ZBTB7C: variants seen among roughly 807,000 people sequenced by gnomAD.
ZBTB7C encodes zinc finger and BTB domain containing 7C, also known as zinc finger and BTB domain-containing protein 7C.
In ZBTB7C, 8 loss-of-function variants were observed where a neutral mutation model predicts 25.7. The observed-to-expected ratio is 0.31, with a 90% CI of 0.18 to 0.56. The LOEUF (loss-of-function observed/expected upper bound fraction) is 0.56. Among genes scored for constraint, ZBTB7C ranks in the 20% least tolerant of loss-of-function variants. ZBTB7C has a pLI of 0.91. For missense variants in ZBTB7C, 824 were observed against 855.2 expected, an observed-to-expected ratio of 0.96 and a Z score of 0.46; for synonymous variants, 394 against 369.0, an observed-to-expected ratio of 1.07 and a Z score of -0.78.
chr18:48,334,468 C>T (rs2046415929), intron 2 of ZBTB7C, among the ~76,000 whole-genome samples: 2 of 152,266 alleles, frequency 1.3e-5, no homozygotes, highest in South Asian at 4.1e-4. Context: ...AGCTCCCAGA[C>T]CCGAAAACAC....
intron 3 of ZBTB7C, among the ~76,000 whole-genome samples, chr18:48,143,287 G>T (rs1034159918): frequency 1.3e-5 from 2 of 152,070 alleles, no homozygotes; most frequent in African/African-American, 4.8e-5. Flanking sequence ...CCAGGGGAGT[G>T]CTTTTTTCTT....
At chr18:48,222,632 C>T (rs778312276) in intron 2 of ZBTB7C, among the ~76,000 whole-genome samples, 26 of 152,176 alleles carry the variant, frequency 1.7e-4, no homozygotes, top group Non-Finnish European at 3.2e-4. Flanking sequence ...GGACAATTCC[C>T]ATCACATCAT....
At chr18:48,386,326 A>G (rs2047746661) in intron 1 of ZBTB7C, among the ~76,000 whole-genome samples, 1 of 152,242 alleles carries the variant, frequency 6.6e-6, no homozygotes, top group African/African-American at 2.4e-5. Context: ...CAGAGGGCAA[A>G]TGCTGAGCGT....
chr18:48,087,489 G>A (rs1478963845), intron 3 of ZBTB7C, among the ~76,000 whole-genome samples: 2 of 152,184 alleles, frequency 1.3e-5, no homozygotes, highest in Non-Finnish European at 2.9e-5. Flanking sequence ...GAGGCCAAAG[G>A]AGGCATTTAT....
intron 3 of ZBTB7C, among the ~76,000 whole-genome samples, chr18:48,143,941 A>G (rs2040424265): frequency 6.6e-6 from 1 of 152,190 alleles, no homozygotes; most frequent in Non-Finnish European, 1.5e-5. Flanking sequence ...CCAACTCTGA[A>G]TATAACAAGG....
At chr18:48,112,634 C>T (rs946220654) in intron 3 of ZBTB7C, among the ~76,000 whole-genome samples, 2 of 152,118 alleles carry the variant, frequency 1.3e-5, no homozygotes, top group African/African-American at 2.4e-5. Flanking sequence ...TAGGTGTGAG[C>T]CACCATGCCC....
intron 2 of ZBTB7C, among the ~76,000 whole-genome samples, chr18:48,337,677 C>G (rs1252854150): frequency 6.6e-6 from 1 of 152,238 alleles, no homozygotes; most frequent in Non-Finnish European, 1.5e-5. Context: ...ACAAGCAGGA[C>G]TCATCCATCA....
chr18:48,200,227 C>T (rs1181968601), intron 2 of ZBTB7C, among the ~76,000 whole-genome samples: 2 of 152,084 alleles, frequency 1.3e-5, no homozygotes, highest in Non-Finnish European at 2.9e-5. Flanking sequence ...CTGGAGTAGG[C>T]ACGGTGACCC....
intron 3 of ZBTB7C, among the ~76,000 whole-genome samples, chr18:48,055,812 T>C (rs1199403598): frequency 6.6e-6 from 1 of 152,184 alleles, no homozygotes; most frequent in African/African-American, 2.4e-5. Flanking sequence ...CGTCTTGCTC[T>C]GCGATTTTTG....
At chr18:48,399,078 C>G (rs1458605402) in intron 1 of ZBTB7C, among the ~76,000 whole-genome samples, 1 of 152,178 alleles carries the variant, frequency 6.6e-6, no homozygotes, top group African/African-American at 2.4e-5. Flanking sequence ...AATTGTCAGA[C>G]AGTCAGATAT....
At chr18:48,192,648 G>A (rs1245502763) in intron 2 of ZBTB7C, among the ~76,000 whole-genome samples, 1 of 152,234 alleles carries the variant, frequency 6.6e-6, no homozygotes. Context: ...TTTTAGTAGA[G>A]ATGGGGTTTC....
chr18:48,199,261 T>C (rs986942267), intron 2 of ZBTB7C, among the ~76,000 whole-genome samples: 8 of 152,252 alleles, frequency 5.3e-5, no homozygotes, highest in Admixed American at 2.6e-4. Context: ...ATAACTTCTC[T>C]GATACTTTCC....
At chr18:48,211,309 G>T (rs1395649579) in intron 2 of ZBTB7C, among the ~76,000 whole-genome samples, 1 of 151,958 alleles carries the variant, frequency 6.6e-6, no homozygotes, top group East Asian at 1.9e-4. Context: ...AACACCAAAG[G>T]CACAACCCAT....
chr18:48,298,420 G>T (rs2144727794), intron 2 of ZBTB7C, among the ~76,000 whole-genome samples: 1 of 152,264 alleles, frequency 6.6e-6, no homozygotes, highest in Middle Eastern at 3.4e-3. Flanking sequence ...GGAGTGGGCT[G>T]GGCTCTGGAG....
At chr18:48,078,233 C>A (rs970931491) in intron 3 of ZBTB7C, among the ~76,000 whole-genome samples, 2 of 152,206 alleles carry the variant, frequency 1.3e-5, no homozygotes, top group South Asian at 2.1e-4. Flanking sequence ...ATATCAGGTC[C>A]TGTACAAGGG....
chr18:48,108,570 A>G (rs2039119034), intron 3 of ZBTB7C, among the ~76,000 whole-genome samples: 1 of 152,100 alleles, frequency 6.6e-6, no homozygotes, highest in South Asian at 2.1e-4. Flanking sequence ...GATAGTTAGG[A>G]CTACAGGCAT....
intron 3 of ZBTB7C, among the ~76,000 whole-genome samples, chr18:48,063,087 C>G (rs990851054): frequency 1.3e-5 from 2 of 152,198 alleles, no homozygotes; most frequent in Non-Finnish European, 2.9e-5. Context: ...TTCCCACCAC[C>G]CAAGCCAAAA....
intron 2 of ZBTB7C, among the ~76,000 whole-genome samples, chr18:48,278,746 C>T (rs1323262971): frequency 6.6e-6 from 1 of 152,146 alleles, no homozygotes; most frequent in Non-Finnish European, 1.5e-5. Flanking sequence ...CAAATTCTGA[C>T]CTATATGATC....
At chr18:48,042,444 A>T (rs1384401407) in intron 3 of ZBTB7C, among the ~76,000 whole-genome samples, 3 of 152,242 alleles carry the variant, frequency 2.0e-5, no homozygotes, top group South Asian at 2.1e-4. Flanking sequence ...GAAAACAAAA[A>T]GGAAAACAAA....
Sources: allele counts gnomAD v4.1 joint callset (sites outside exome capture counted in the v4.1 genomes callset), GRCh38; gene constraint gnomAD v4.1.1; transcripts MANE v1.5; gene names NCBI Gene and HGNC (gene_info 2026-07-23, HGNC 2026-07-21).